Variants in C2orf66 observed in about 807,000 individuals in gnomAD.
C2orf66 encodes the protein uncharacterized protein C2orf66.
A neutral mutation model predicts 7.0 loss-of-function variants in C2orf66; 6 were observed. The ratio of observed to expected loss-of-function variants is 0.86; its 90% CI spans 0.47 to 1.69. The LOEUF is 1.69. Among genes scored for constraint, C2orf66 ranks in the 40% most tolerant of loss-of-function variants. The probability of loss-of-function intolerance (pLI) is 0.01; values close to 1 mark genes in which losing one functional copy is unlikely to be tolerated. For missense variants in C2orf66, 107 were observed against 112.0 expected, an observed-to-expected ratio of 0.96 and a Z score of 0.20; for synonymous variants, 38 against 43.8, an observed-to-expected ratio of 0.87 and a Z score of 0.52.
chr2:196,818,586 G>A, the C2orf66 span, among the ~76,000 whole-genome samples: 53 of 152,294 alleles, frequency 3.5e-4, no homozygotes, highest in East Asian at 9.8e-3. Context: ...GAGGAGTAGA[G>A]TCAACAGAGG....
At chr2:196,813,655 T>G (rs146992304), upstream of C2orf66, among the ~76,000 whole-genome samples, 17,772 of 152,010 alleles carry the variant, frequency 0.12, 1,109 homozygotes, top group Non-Finnish European at 0.14. Context: ...TACAGAATGG[T>G]AGAAAATTTT....
At chr2:196,829,673 G>A in the C2orf66 span, among the ~76,000 whole-genome samples, 20,637 of 151,714 alleles carry the variant, frequency 0.14, 2,030 homozygotes, top group African/African-American at 0.28. Flanking sequence ...CGAGGCGGGC[G>A]GATCACGAGG....
chr2:196,819,579 AC>A, the C2orf66 span, among the ~76,000 whole-genome samples: 1 of 152,162 alleles, frequency 6.6e-6, no homozygotes, highest in African/African-American at 2.4e-5. Flanking sequence ...CCAAACTAAG[AC>A]AATCAGGATG....
chr2:196,814,573 AAAAAC>A, the C2orf66 span, among the ~76,000 whole-genome samples: 1 of 152,242 alleles, frequency 6.6e-6, no homozygotes, highest in East Asian at 1.9e-4. Context: ...CAGTATAATA[AAAAAC>A]AAATCAAAAA....
At chr2:196,815,546 AG>A in the C2orf66 span, among the ~76,000 whole-genome samples, 1 of 152,218 alleles carries the variant, frequency 6.6e-6, no homozygotes, top group East Asian at 1.9e-4. Context: ...GCAGGCAAAA[AG>A]GTGCTTCTGC....
At chr2:196,820,991 G>A in the C2orf66 span, among the ~76,000 whole-genome samples, 173 of 152,322 alleles carry the variant, frequency 1.1e-3, no homozygotes, top group African/African-American at 4.0e-3. Flanking sequence ...ATTTATCAGG[G>A]TATGCCCTCA....
At chr2:196,815,791 T>C in the C2orf66 span, among the ~76,000 whole-genome samples, 1 of 152,202 alleles carries the variant, frequency 6.6e-6, no homozygotes, top group Non-Finnish European at 1.5e-5. Context: ...CTATATAACC[T>C]TTTCAAACCC....
the C2orf66 span, among the ~76,000 whole-genome samples, chr2:196,829,123 C>T: frequency 6.6e-6 from 1 of 151,766 alleles, no homozygotes; most frequent in South Asian, 2.1e-4. Context: ...TTTTCACTTC[C>T]TTCTTCATCT....
At chr2:196,810,380 T>C (rs1339556195), upstream of C2orf66, 2 of 152,268 alleles carry the variant, frequency 1.3e-5, no homozygotes, top group South Asian at 2.1e-4. Context: ...ACAAAATTAC[T>C]CTTTTTGACC....
At chr2:196,807,110 T>C (rs1699827567) in intron 2 of C2orf66, among the ~76,000 whole-genome samples, 1 of 152,198 alleles carries the variant, frequency 6.6e-6, no homozygotes, top group African/African-American at 2.4e-5. Flanking sequence ...TCAGTTGGTC[T>C]GGAAAAAGAT....
the C2orf66 span, among the ~76,000 whole-genome samples, chr2:196,821,207 C>T: frequency 6.6e-6 from 1 of 152,152 alleles, no homozygotes; most frequent in Non-Finnish European, 1.5e-5. Context: ...ATAGGGTGTC[C>T]AGAGGTGGCA....
rs1357130130 is a variant in C2orf66, at chr2:196,809,248, C to T, written c.89G>A (p.Trp30Ter). Residue 30 changes from tryptophan to a stop codon, truncating the protein, a stop_gained, in exon 1 of 3, where the codon TGG (tryptophan) becomes TAG (stop). Coordinates refer to ENST00000342506, the MANE Select transcript of C2orf66 (RefSeq NM_213608.3). LOFTEE classifies it high-confidence loss of function. Reference protein sequence around the residue: ...NGATVRNEDKWKPLNNPRNRD... With the variant: ...NGATVRNEDK ...GTTTCTGGGGTTGTTGAGTGGCTTCCATTTGTCCTCATTTCTTACTGTGGC... is the reference window on the plus strand; with the variant it reads ...GTTTCTGGGGTTGTTGAGTGGCTTCTATTTGTCCTCATTTCTTACTGTGGC... 2 of 1,613,952 alleles carry T rather than the reference C, an allele frequency of 1.2e-6. No individual in the cohort carries two copies. The highest frequency in any genetic ancestry group is 2.2e-5 in the East Asian group (1 of 44,888).
At chr2:196,826,899 C>T in the C2orf66 span, among the ~76,000 whole-genome samples, 20 of 151,946 alleles carry the variant, frequency 1.3e-4, no homozygotes, top group Middle Eastern at 3.4e-3. Flanking sequence ...GGCGTGGTGG[C>T]GGGCACCTGT....
the C2orf66 span, among the ~76,000 whole-genome samples, chr2:196,828,888 G>C: frequency 6.6e-6 from 1 of 152,174 alleles, no homozygotes; most frequent in African/African-American, 2.4e-5. Flanking sequence ...ATGAGCCTCA[G>C]ATGGGACAGC....
At chr2:196,809,184 C>G (rs1156633284) in intron 1 of C2orf66, 30 bp downstream of exon 1, 2 of 1,605,694 alleles carry the variant, frequency 1.2e-6, no homozygotes, top group Non-Finnish European at 1.7e-6. Flanking sequence ...TAGTTCTATC[C>G]TGAAACCCAG....
At chr2:196,809,090 G>T in intron 1 of C2orf66, 124 bp downstream of exon 1, 3 of 1,026,258 alleles carry the variant, frequency 2.9e-6, no homozygotes, top group Non-Finnish European at 2.8e-6. Flanking sequence ...CAATCCTGTT[G>T]GAGAATTTTC....
the C2orf66 span, among the ~76,000 whole-genome samples, chr2:196,822,114 C>T: frequency 6.6e-6 from 1 of 151,538 alleles, no homozygotes; most frequent in Non-Finnish European, 1.5e-5. Context: ...GGGGTTTCAC[C>T]ATGTTGGCCA....
chr2:196,822,453 C>T, the C2orf66 span, among the ~76,000 whole-genome samples: 9 of 152,220 alleles, frequency 5.9e-5, no homozygotes, highest in African/African-American at 2.2e-4. Context: ...TCAGAACCTG[C>T]TTCTTTACGC....
At chr2:196,823,871 G>C in the C2orf66 span, among the ~76,000 whole-genome samples, 1 of 152,078 alleles carries the variant, frequency 6.6e-6, no homozygotes. Flanking sequence ...TGAAGACACA[G>C]ACTCAGAGAG....
Sources: gnomAD v4.1 joint callset for allele counts (sites outside exome capture counted in the v4.1 genomes callset) on GRCh38, gnomAD v4.1.1 for gene constraint, MANE v1.5 for transcripts, NCBI Gene and HGNC (gene_info 2026-07-23, HGNC 2026-07-21) for gene names.